Variants in PLEKHD1 observed in about 807,000 individuals in gnomAD.
PLEKHD1 encodes the protein pleckstrin homology and coiled-coil domain containing D1, also known as pleckstrin homology domain-containing family D member 1.
In PLEKHD1, 51 loss-of-function variants were observed where a neutral mutation model predicts 69.2. The observed-to-expected ratio is 0.74, with a 90% CI of 0.59 to 0.93. PLEKHD1 has a LOEUF of 0.93. Among genes scored for constraint, PLEKHD1 ranks in the 40% least tolerant of loss-of-function variants. PLEKHD1 has a pLI of 0.00. For missense variants in PLEKHD1, 584 were observed against 641.0 expected (o/e 0.91, Z 0.96); for synonymous variants, 236 against 244.7 (o/e 0.96, Z 0.33).
chr14:69,499,966 G>T, intron 1 of PLEKHD1, 149 bp from the exon 2 acceptor site: 1 of 627,256 alleles, frequency 1.6e-6, no homozygotes, highest in Non-Finnish European at 2.8e-6. Flanking sequence ...CCTTTGTGAG[G>T]GTGTGGAGCT....
intron 5 of PLEKHD1, 34 bp from the exon 6 acceptor site, chr14:69,502,789 TTGTG>T (rs1271845750): frequency 1.3e-6 from 2 of 1,550,662 alleles, no homozygotes; most frequent in East Asian, 2.4e-5. Flanking sequence ...ACTTTCCTGA[TTGTG>T]TGTGCATGTG....
At chr14:69,515,125 G>A (rs1883355536) in intron 6 of PLEKHD1, among the ~76,000 whole-genome samples, 2 of 152,174 alleles carry the variant, frequency 1.3e-5, no homozygotes. Flanking sequence ...TTGAACCCGG[G>A]AGGCAGAGGT....
At chr14:69,478,989 C>T in the PLEKHD1 span, among the ~76,000 whole-genome samples, 269 of 152,246 alleles carry the variant, frequency 1.8e-3, 1 homozygote, top group African/African-American at 6.3e-3. Context: ...CCTGGTTTTA[C>T]GTCGCTGATA....
chr14:69,491,639 C>A (rs1882778799), intron 1 of PLEKHD1, among the ~76,000 whole-genome samples: 1 of 152,196 alleles, frequency 6.6e-6, no homozygotes, highest in Non-Finnish European at 1.5e-5. Flanking sequence ...ACCTGCCCAA[C>A]ATAGAAGATA....
intron 2 of PLEKHD1, 161 bp downstream of exon 2, chr14:69,500,369 C>A: frequency 1.4e-6 from 1 of 721,656 alleles, no homozygotes; most frequent in Non-Finnish European, 2.3e-6. Flanking sequence ...CTGTCCTGGG[C>A]TGGACCCTCA....
At chr14:69,470,428 A>C in the PLEKHD1 span, among the ~76,000 whole-genome samples, 2 of 148,626 alleles carry the variant, frequency 1.3e-5, no homozygotes, top group East Asian at 4.0e-4. Flanking sequence ...GTGCCACTGC[A>C]CTCCAGCCTG....
At position 69,500,916 on chromosome 14, in the gene PLEKHD1, T is replaced by G; in HGVS notation, c.379T>G (p.Trp127Gly). 6.4e-7 allele frequency: 1 copy of G among 1,551,558 alleles called. No homozygotes were observed. The highest frequency in any genetic ancestry group is 1.2e-5 in the South Asian group (1 of 84,064). ...TGAGTCGGAGTTTGAGCAGACCCAGTGGCTGGAGATGCTGCAGGAGTCTGG... is the reference window on the plus strand; with the variant it reads ...TGAGTCGGAGTTTGAGCAGACCCAGGGGCTGGAGATGCTGCAGGAGTCTGG... ...AAESEFEQTQWLEMLQESGKV... is the reference protein window; with the variant it reads ...AAESEFEQTQGLEMLQESGKV... Residue 127 changes from tryptophan to glycine, a missense_variant, in exon 4 of 13, where the codon TGG becomes GGG. Transcript: ENST00000322564.
chr14:69,526,063 C>T lies in PLEKHD1; in HGVS notation c.864C>T (p.Leu288=), dbSNP rs1409787543. ...CCAGTGGGGGCCTCCATAGCAACCT[C>T]CGGCAGATCGAGGAGAAGATGCAGC... ...PPPSGGLHSN[L]RQIEEKMQQL... is the part of the protein sequence containing the mutation. Residue 288 remains leucine, a synonymous_variant, in exon 9 of 13, where the codon CTC becomes CTT. Coordinates refer to ENST00000322564, the MANE Select transcript of PLEKHD1 (RefSeq NM_001161498.2). The T allele has an allele frequency of 6.4e-7, 1 of 1,551,662 alleles. No homozygotes were observed. The highest frequency in any genetic ancestry group is 1.4e-5 in the African/African-American group (1 of 73,164).
chr14:69,499,782 G>C (rs1311547907), intron 1 of PLEKHD1, among the ~76,000 whole-genome samples: 1 of 152,196 alleles, frequency 6.6e-6, no homozygotes, highest in Non-Finnish European at 1.5e-5. Flanking sequence ...AGAGCTCAAG[G>C]GGCTGAAGGT....
At chr14:69,499,223 G>T (rs546897547) in intron 1 of PLEKHD1, among the ~76,000 whole-genome samples, 1 of 100,338 alleles carries the variant, frequency 1.0e-5, no homozygotes, top group South Asian at 3.1e-4. Flanking sequence ...ACTCTCATAC[G>T]TGCACACACA....
At chr14:69,527,086 C>T in intron 10 of PLEKHD1, 102 bp from the exon 11 acceptor site, 1 of 1,372,768 alleles carries the variant, frequency 7.3e-7, no homozygotes, top group Non-Finnish European at 9.7e-7. Flanking sequence ...TAACTCCCAT[C>T]CACGCCCATT....
chr14:69,501,075 G>A, intron 4 of PLEKHD1, 128 bp downstream of exon 4: 1 of 987,538 alleles, frequency 1.0e-6, no homozygotes, highest in Non-Finnish European at 1.5e-6. Flanking sequence ...AGATGGCTAG[G>A]GTAGGGGAGA....
chr14:69,519,300 G>A (rs1177188971), intron 6 of PLEKHD1, among the ~76,000 whole-genome samples: 2 of 152,178 alleles, frequency 1.3e-5, no homozygotes, highest in Middle Eastern at 3.4e-3. Flanking sequence ...GAAATGGGCT[G>A]TCACGAGAGC....
chr14:69,490,158 T>G (rs1011647317), intron 1 of PLEKHD1, among the ~76,000 whole-genome samples: 1 of 152,098 alleles, frequency 6.6e-6, no homozygotes, highest in Admixed American at 6.6e-5. Context: ...ATGAGCCCCC[T>G]GTTATATGTT....
chr14:69,483,442 A>C (rs1314076911), upstream of PLEKHD1, among the ~76,000 whole-genome samples: 1 of 152,074 alleles, frequency 6.6e-6, no homozygotes, highest in African/African-American at 2.4e-5. Context: ...TACTGTGCAG[A>C]GGTGGTAAGA....
chr14:69,503,888 A>T (rs1237937534), intron 6 of PLEKHD1, among the ~76,000 whole-genome samples: 1 of 150,570 alleles, frequency 6.6e-6, no homozygotes, highest in Admixed American at 6.6e-5. Context: ...AAAAAAAAAA[A>T]ATCTCAGCGA....
intron 8 of PLEKHD1, 71 bp downstream of exon 8, chr14:69,524,393 TC>T: frequency 7.7e-7 from 1 of 1,302,352 alleles, no homozygotes; most frequent in Non-Finnish European, 1.1e-6. Flanking sequence ...CACTGTTTTT[TC>T]CAGCAGTGTT....
chr14:69,497,682 A>G (rs1445799814), intron 1 of PLEKHD1, among the ~76,000 whole-genome samples: 1 of 152,242 alleles, frequency 6.6e-6, no homozygotes, highest in Non-Finnish European at 1.5e-5. Context: ...TGAAGGGCAG[A>G]CATGGCAGGA....
At chr14:69,478,542 A>G in the PLEKHD1 span, among the ~76,000 whole-genome samples, 4 of 152,192 alleles carry the variant, frequency 2.6e-5, no homozygotes, top group South Asian at 8.3e-4. Context: ...CACCTCTTGA[A>G]TGCTTTGCTA....
Sources: gnomAD v4.1 joint callset for allele counts (sites outside exome capture counted in the v4.1 genomes callset) on GRCh38, gnomAD v4.1.1 for gene constraint, MANE v1.5 for transcripts, NCBI Gene and HGNC (gene_info 2026-07-23, HGNC 2026-07-21) for gene names.